Variants in TSBP1 observed in about 807,000 individuals in gnomAD.
TSBP1 encodes testis expressed basic protein 1, also known as testis-expressed basic protein 1.
A neutral mutation model predicts 68.8 loss-of-function variants in TSBP1; 56 were observed. That is an observed-to-expected ratio of 0.81 (90% confidence interval 0.66 to 1.02). The LOEUF is 1.02. Ranked by LOEUF, TSBP1 falls within the 50% of genes least tolerant of loss-of-function variation. TSBP1 has a pLI of 0.00. For synonymous variants in TSBP1, 171 were observed against 208.7 expected, an observed-to-expected ratio of 0.82 and a Z score of 1.56; for missense variants, 502 against 641.2, an observed-to-expected ratio of 0.78 and a Z score of 2.34.
At chr6:32,359,879 T>A (rs1027879584) in intron 6 of TSBP1, among the ~76,000 whole-genome samples, 2 of 151,448 alleles carry the variant, frequency 1.3e-5, no homozygotes, top group African/African-American at 4.9e-5. Flanking sequence ...ACTCAGATTA[T>A]TTTTTTCTTT....
At chr6:32,328,791 T>C (rs1054278878) in intron 16 of TSBP1, among the ~76,000 whole-genome samples, 1 of 152,124 alleles carries the variant, frequency 6.6e-6, no homozygotes, top group Non-Finnish European at 1.5e-5. Context: ...GACCTCGTGA[T>C]CCACCTGCCT....
intron 8 of TSBP1, among the ~76,000 whole-genome samples, chr6:32,351,488 C>A (rs1450728580): frequency 6.6e-6 from 1 of 152,062 alleles, no homozygotes; most frequent in African/African-American, 2.4e-5. Flanking sequence ...CCGGGGCTAA[C>A]TTAATCAGTG....
Position 32,336,530 on chromosome 6 carries a change from TA to T in TSBP1, c.430+84del. The T allele has an allele frequency of 8.9e-7, 1 of 1,127,228 alleles. No individual in the cohort carries two copies. Among genetic ancestry groups the T allele is most frequent in the Non-Finnish European group, 1.3e-6 (1 of 760,890 alleles). The allele number at this position is 1,127,228 out of a possible 1,614,324, so 69.8% of individuals were successfully genotyped here. On this transcript the variant is annotated intron_variant, in intron 12 of 22. Coordinates refer to ENST00000612031, the Ensembl canonical transcript of TSBP1. This position sits in a 1 kb window ranked among gnomAD's most constrained non-coding sequence, Gnocchi z 5.2. ...CTAAAATAAAAGTTGAAATTATTTT[TA>T]AAAATGCAGGGCAGATCAGGCCCCA... is the stretch of plus-strand genomic sequence containing the variant.
Position 32,342,868 on chromosome 6 carries a change from G to C in TSBP1, c.350-3230C>G, listed in dbSNP as rs56016875. Among the ~76,000 whole-genome samples the C allele has an allele frequency of 7.1e-3, 1,079 of 152,292 alleles. 8 individuals are homozygous for C. The highest frequency in any genetic ancestry group is 0.065 in the Middle Eastern group (19 of 294). ...GTCAAGGGAGGATCTGTTTAAGATG[G>C]AAGAAAATCAAACCTGTTCTATACC... is the stretch of plus-strand genomic sequence containing the variant. On this transcript the variant is annotated intron_variant, in intron 9 of 22. Transcript: ENST00000612031.
At position 32,330,613 on chromosome 6, in the gene TSBP1, A is replaced by C. The variant is rs1440600987; in HGVS notation, c.494-4T>G. The C allele has an allele frequency of 1.3e-6, 2 of 1,598,928 alleles. No individual in the cohort carries two copies. The highest frequency in any genetic ancestry group is 3.6e-4 in the Middle Eastern group (2 of 5,602). The stretch of plus-strand genomic sequence containing the variant: ...CCATTGGATCCAGGATATTGTACTA[A>C]AAAATAGAAACAAACAAATTAAACA... On this transcript the variant is annotated splice_region_variant and splice_polypyrimidine_tract_variant and intron_variant, in intron 15 of 22. Coordinates refer to ENST00000612031, the Ensembl canonical transcript of TSBP1.
intron 22 of TSBP1, among the ~76,000 whole-genome samples, chr6:32,299,667 C>T (rs1357981542): frequency 6.6e-6 from 1 of 152,016 alleles, no homozygotes; most frequent in Non-Finnish European, 1.5e-5. Flanking sequence ...ACCTGCAATC[C>T]CAGCACTTTG....
rs1268210715 is a variant in TSBP1 at position 32,346,011 on chromosome 6, T to TCCTCATC, written c.349+3728_349+3729insGATGAGG. ...AAATGTGTCATATCCTCATTTTTTT[T>TCCTCATC]TTTTTTTTTTTTTTGAGACGGAGTC... On this transcript the variant is annotated intron_variant, in intron 9 of 22. Coordinates refer to ENST00000612031, the Ensembl canonical transcript of TSBP1. 9.7e-3 allele frequency among the ~76,000 whole-genome samples: 470 copies of TCCTCATC among 48,490 alleles called. 135 individuals carry two copies. Among genetic ancestry groups the TCCTCATC allele is most frequent in the Middle Eastern group, 0.057 (6 of 106 alleles). 31.8% of individuals were successfully genotyped at this position (48,490 alleles called of 152,430 possible). A position where few individuals can be genotyped will look rare whatever the true frequency, so the allele number is the denominator to read the frequency against.
Position 32,343,111 on chromosome 6 carries a change from A to C in TSBP1, c.350-3473T>G. On this transcript the variant is annotated intron_variant, in intron 9 of 22. Transcript: ENST00000612031. This position sits in a 1 kb window ranked among gnomAD's most constrained non-coding sequence, Gnocchi z 4.3. ...TGGCTAATGAAGGACAAGGTGGAGA[A>C]TTATGAGTCTTAAGCCCTTTCACCC... is the stretch of plus-strand genomic sequence containing the variant. 2.2e-6 allele frequency: 1 copy of C among 463,016 alleles called. No individual in the cohort carries two copies. Among genetic ancestry groups the C allele is most frequent in the Non-Finnish European group, 3.7e-6 (1 of 267,972 alleles). The allele number at this position is 463,016 out of a possible 1,614,324, so 28.7% of individuals were successfully genotyped here.
chr6:32,293,855 T>G, exon 23 of TSBP1: 1 of 1,613,052 alleles, frequency 6.2e-7, no homozygotes, highest in South Asian at 1.1e-5. Flanking sequence ...TCTTTCTGGC[T>G]CCTTTATGTG....
In TSBP1 at chr6:32,315,069, G is replaced by A. The variant is rs958214043; in HGVS notation, c.580+703C>T. 1.3e-5 allele frequency among the ~76,000 whole-genome samples: 2 copies of A among 152,146 alleles called. No homozygotes were observed. Among genetic ancestry groups the A allele is most frequent in the African/African-American group, 4.8e-5 (2 of 41,418 alleles). ...TTAATGTGATTTAATTTCAGGATGA[G>A]GAATCTCAGCTGATATTGGGTTTGC... On this transcript the variant is annotated intron_variant, in intron 19 of 22. Transcript: ENST00000612031. This position sits in a 1 kb window ranked among gnomAD's most constrained non-coding sequence, Gnocchi z 5.4.
chr6:32,323,205 A>G, intron 17 of TSBP1, 68 bp from the exon 19 acceptor site: 1 of 1,049,174 alleles, frequency 9.5e-7, no homozygotes, highest in Non-Finnish European at 1.5e-6. Flanking sequence ...AGGGAGGTAT[A>G]TTTGTGTAGG....
Position 32,370,407 on chromosome 6 carries a change from G to GTATA in TSBP1, c.14-428_14-425dup, listed in dbSNP as rs9279612. On this transcript the variant is annotated intron_variant, in intron 1 of 22. Coordinates refer to ENST00000612031, the Ensembl canonical transcript of TSBP1. ...TACCTTTAAAGTTGCAAGATTTTCT[G>GTATA]TATATATATATATATATATATATAT... Among the ~76,000 whole-genome samples the GTATA allele has an allele frequency of 7.9e-3, 1,026 of 130,378 alleles. 11 individuals are homozygous for GTATA. The highest frequency in any genetic ancestry group is 8.5e-3 in the Non-Finnish European group (518 of 60,894). 85.5% of individuals were successfully genotyped at this position (130,378 alleles called of 152,430 possible). A position where few individuals can be genotyped will look rare whatever the true frequency, so the allele number is the denominator to read the frequency against.
At chr6:32,368,910 T>C in intron 2 of TSBP1, 96 bp from the exon 3 acceptor site, 1 of 1,413,668 alleles carries the variant, frequency 7.1e-7, no homozygotes, top group Non-Finnish European at 9.5e-7. Flanking sequence ...TGCTTCTTGC[T>C]TACCAAGGTG....
At chr6:32,350,493 T>C (rs991709877) in intron 8 of TSBP1, among the ~76,000 whole-genome samples, 1 of 152,186 alleles carries the variant, frequency 6.6e-6, no homozygotes, top group African/African-American at 2.4e-5. Context: ...AAGAAAAATA[T>C]ATCAAGAAGG....
chr6:32,366,680 G>A (rs933424622), intron 4 of TSBP1, among the ~76,000 whole-genome samples: 2 of 143,214 alleles, frequency 1.4e-5, no homozygotes, highest in Admixed American at 1.6e-4. Flanking sequence ...GGAGAATGGC[G>A]TGAACCCGGG....
chr6:32,317,111 C>G (rs1767044274), intron 18 of TSBP1, among the ~76,000 whole-genome samples: 1 of 152,064 alleles, frequency 6.6e-6, no homozygotes, highest in Non-Finnish European at 1.5e-5. Flanking sequence ...GAAATAGACA[C>G]ATAGATCAAT....
chr6:32,310,761 A>ATATATTTTTTT, intron 19 of TSBP1, among the ~76,000 whole-genome samples: 1,502 of 144,788 alleles, frequency 0.01, 18 homozygotes, highest in East Asian at 0.063. Flanking sequence ...ATATATATAT[A>ATATATTTTTTT]TTTTTAATCT....
Position 32,340,865 on chromosome 6 carries a change from G to A in TSBP1, c.350-1227C>T, listed in dbSNP as rs4469285. 0.34 allele frequency among the ~76,000 whole-genome samples: 51,002 copies of A among 151,540 alleles called. 9,630 individuals are homozygous for A. Among genetic ancestry groups the A allele is most frequent in the Middle Eastern group, 0.52 (153 of 294 alleles). The stretch of plus-strand genomic sequence containing the variant: ...GACTGGAGTGCAGTGGCACAGTCTC[G>A]GCTCACTGCAACCTTCACCTCCTGG... On this transcript the variant is annotated intron_variant, in intron 9 of 22. Transcript: ENST00000612031. This position sits in a 1 kb window ranked among gnomAD's most constrained non-coding sequence, Gnocchi z 4.8.
intron 19 of TSBP1, among the ~76,000 whole-genome samples, chr6:32,307,413 A>C (rs1013194846): frequency 7.9e-5 from 12 of 152,072 alleles, no homozygotes; most frequent in African/African-American, 2.9e-4. Flanking sequence ...TGTGCTCAGA[A>C]AATGTGATTT....
Sources: allele counts gnomAD v4.1 joint callset (sites outside exome capture counted in the v4.1 genomes callset), GRCh38; gene constraint gnomAD v4.1.1; non-coding constraint Gnocchi (gnomAD v3.1); transcripts MANE v1.5; gene names NCBI Gene and HGNC (gene_info 2026-07-23, HGNC 2026-07-21).